Variants in IRF3 observed in about 807,000 individuals in gnomAD.
The protein encoded by IRF3 is interferon regulatory factor 3.
Under a neutral mutation model 43.2 loss-of-function variants are expected in IRF3, and 29 were observed. The ratio of observed to expected loss-of-function variants is 0.67; its 90% CI spans 0.50 to 0.91. The LOEUF (loss-of-function observed/expected upper bound fraction) is 0.91. Ranked by LOEUF, IRF3 falls within the 40% of genes least tolerant of loss-of-function variation. The pLI is 0.00. For missense variants in IRF3, 505 were observed against 559.1 expected (o/e 0.90, Z 0.98); for synonymous variants, 228 against 233.9 (o/e 0.97, Z 0.23).
In IRF3 at chr19:49,665,673, CCT is replaced by C. The variant is rs1245121989; in HGVS notation, c.-53_-52del. The C allele has an allele frequency of 1.3e-5, 14 of 1,083,742 alleles. No homozygotes were observed. The highest frequency in any genetic ancestry group is 7.8e-5 in the Admixed American group (3 of 38,620). The allele number at this position is 1,083,742 out of a possible 1,614,324, so 67.1% of individuals were successfully genotyped here. A position where few individuals can be genotyped will look rare whatever the true frequency, so the allele number is the denominator to read the frequency against. Reference sequence around the variant, plus strand: ...GGCGTGCGGGCAGCTGGAACCCACCCCTGTCTTGGAGCTCCGGGTAGCTCTCA... The same window carrying C: ...GGCGTGCGGGCAGCTGGAACCCACCCGTCTTGGAGCTCCGGGTAGCTCTCA... On this transcript the variant is annotated 5_prime_UTR_variant, in exon 1 of 8. Transcript: ENST00000377139.
intron 1 of IRF3, 114 bp from the exon 2 acceptor site, chr19:49,664,960 T>C (rs2081594781): frequency 3.5e-6 from 4 of 1,141,550 alleles, no homozygotes; most frequent in Non-Finnish European, 4.8e-6. Context: ...CCTTCACCCA[T>C]ATTTTCGGGG....
At chr19:49,660,027 A>ACACACACACACACCCCCC (rs57168131) in intron 7 of IRF3, among the ~76,000 whole-genome samples, 194 bp from the exon 8 acceptor site, 1 of 74,750 alleles carries the variant, frequency 1.3e-5, no homozygotes, top group African/African-American at 9.8e-5. Flanking sequence ...ACACACACAC[A>ACACACACACACACCCCCC]CCCCCTGCTG....
Position 49,664,752 on chromosome 19 carries a change from C to A in IRF3, c.87G>T (p.Lys29Asn). ...AAGGGATGCGGAAGCGCGTGCGGCT[C>A]TTGTTCACCCAGGCCACGCCCTCCA... ...GQLEGVAWVN[K>N]SRTRFRIPWK... Residue 29 changes from lysine to asparagine, a missense_variant, in exon 2 of 8, where the codon AAG becomes AAT. Transcript: ENST00000377139. 1 of 1,614,062 alleles carries A rather than the reference C, an allele frequency of 6.2e-7. No homozygotes were observed. The highest frequency in any genetic ancestry group is 8.5e-7 in the Non-Finnish European group (1 of 1,179,982).
chr19:49,660,570 C>T (rs938954710), intron 7 of IRF3, 143 bp downstream of exon 7: 13 of 815,364 alleles, frequency 1.6e-5, no homozygotes, highest in African/African-American at 3.6e-5. Flanking sequence ...AAGGAGCTCC[C>T]GGGGATGAAA....
chr19:49,664,572 C>T (rs1163229757), intron 2 of IRF3, 102 bp downstream of exon 2: 2 of 1,608,850 alleles, frequency 1.2e-6, no homozygotes, highest in Admixed American at 1.7e-5. Context: ...CACGAGCCCG[C>T]CCCTCGCGCG....
In IRF3 at chr19:49,665,693, A is replaced by C; in HGVS notation, c.-71T>G. On this transcript the variant is annotated 5_prime_UTR_variant, in exon 1 of 8. Transcript: ENST00000377139. ...CCACCCCTGTCTTGGAGCTCCGGGT[A>C]GCTCTCAAACTCGAGGCTGCGCACC... 6.5e-6 allele frequency: 8 copies of C among 1,237,930 alleles called. No individual in the cohort carries two copies. Among genetic ancestry groups the C allele is most frequent in the Non-Finnish European group, 8.9e-6 (8 of 901,116 alleles). 76.7% of individuals were successfully genotyped at this position (1,237,930 alleles called of 1,614,324 possible). A position where few individuals can be genotyped will look rare whatever the true frequency, so the allele number is the denominator to read the frequency against.
chr19:49,664,611 T>C, intron 2 of IRF3, 63 bp downstream of exon 2: 1 of 1,483,648 alleles, frequency 6.7e-7, no homozygotes, highest in Non-Finnish European at 9.1e-7. Flanking sequence ...CCGGGCCCAC[T>C]AGGAGTCCTT....
At chr19:49,660,241 G>C (rs886469975) in intron 7 of IRF3, among the ~76,000 whole-genome samples, 25 of 152,136 alleles carry the variant, frequency 1.6e-4, no homozygotes, top group Non-Finnish European at 2.9e-4. Context: ...CCTACGGCTT[G>C]TTAGGGACCA....
chr19:49,659,996 C>T (rs866446905), intron 7 of IRF3, among the ~76,000 whole-genome samples, 163 bp from the exon 8 acceptor site: 3 of 120,548 alleles, frequency 2.5e-5, no homozygotes, highest in African/African-American at 7.3e-5. Context: ...CACACACACA[C>T]ACACACACAC....
chr19:49,660,626 C>G (rs545259445), intron 7 of IRF3, 87 bp downstream of exon 7: 1 of 1,350,418 alleles, frequency 7.4e-7, no homozygotes, highest in Admixed American at 3.0e-5. Flanking sequence ...TTTTAGAGGG[C>G]CCTCTGGGAG....
In IRF3 at chr19:49,660,789, C is replaced by T. The variant is rs148237208; in HGVS notation, c.1022G>A (p.Arg341His). Residue 341 changes from arginine to histidine, a missense_variant, in exon 7 of 8, where the codon CGC (arginine) becomes CAC (histidine). Arg to His is a conservative substitution (Grantham distance 29). Transcript: ENST00000377139. ...CCCCACACAGAACCAGAGGGCATAG[C>T]GTGGTGAGCGTCCGCTTCCTTCCGT... ...TFTEGSGRSPRYALWFCVGES... is the reference protein window; with the variant it reads ...TFTEGSGRSPHYALWFCVGES... 80 of 1,609,422 alleles carry T rather than the reference C, an allele frequency of 5.0e-5. No homozygotes were observed. Among genetic ancestry groups the T allele is most frequent in the Non-Finnish European group, 1.7e-5 (20 of 1,178,282 alleles).
At chr19:49,664,150 AC>A in intron 2 of IRF3, among the ~76,000 whole-genome samples, 1 of 152,216 alleles carries the variant, frequency 6.6e-6, no homozygotes, top group Admixed American at 6.5e-5. Flanking sequence ...ACAGGTGTGA[AC>A]CACCGCCCCC....
rs2081190178 is a variant in IRF3 at position 49,659,650 on chromosome 19, A to G, written c.1282T>C (p.Ter428ArgextTer?). Reference sequence around the variant, plus strand: ...GGCACACCATGAGGAGCGAGGGCTCAGCTCTCCCCAGGGCCCTGGAAATCC... The same window carrying G: ...GGCACACCATGAGGAGCGAGGGCTCGGCTCTCCCCAGGGCCCTGGAAATCC... ...GMDFQGPGES* is the reference protein window; with the variant it reads ...GMDFQGPGESR Residue 428 changes from the stop codon to arginine (R), a stop_lost, in exon 8 of 8, where the codon TGA becomes CGA. Transcript: ENST00000377139. The G allele has an allele frequency of 1.2e-6, 2 of 1,612,572 alleles. No individual in the cohort carries two copies. Among genetic ancestry groups the G allele is most frequent in the Middle Eastern group, 1.6e-4 (1 of 6,076 alleles).
chr19:49,662,222 C>T lies in IRF3; in HGVS notation c.708G>A (p.Arg236=), dbSNP rs375866058. The T allele has an allele frequency of 6.2e-7, 1 of 1,614,052 alleles. No individual in the cohort carries two copies. ...GTGTGACTGGCCATCCAGGCAGCGT[C>T]CTGTCTCCCACTTCGGACCCCACCA... ...LRLVGSEVGD[R]TLPGWPVTLP... Residue 236 remains arginine (R), a synonymous_variant, in exon 6 of 8, where the codon AGG becomes AGA. Transcript: ENST00000377139.
chr19:49,664,506 T>G, intron 2 of IRF3, 168 bp downstream of exon 2: 4 of 1,568,806 alleles, frequency 2.5e-6, no homozygotes, highest in Non-Finnish European at 3.4e-6. Flanking sequence ...CCACCATCAG[T>G]CAGCGGATCC....
intron 7 of IRF3, 88 bp from the exon 8 acceptor site, chr19:49,659,921 C>T (rs1320203687): frequency 2.9e-6 from 4 of 1,387,426 alleles, no homozygotes; most frequent in East Asian, 4.8e-5. Flanking sequence ...ACTACAACTC[C>T]CTGCAGCCCC....
In IRF3 at chr19:49,662,504, G is replaced by T; in HGVS notation, c.522C>A (p.Pro174=). 6.4e-7 allele frequency: 1 copy of T among 1,565,470 alleles called. No individual in the cohort carries two copies. The highest frequency in any genetic ancestry group is 8.6e-7 in the Non-Finnish European group (1 of 1,158,400). ...PEPCPQPLRS[P]SLDNPTPFPN... ...GGAAGGGAGTGGGATTGTCCAAGCT[G>T]GGGCTCCGCAGGGGCTGAGGGCAGG... The change falls in exon 5 of 8, where the codon CCC becomes CCA. Residue 174 remains proline (P), a synonymous_variant. Transcript: ENST00000377139.
intron 7 of IRF3, 76 bp downstream of exon 7, chr19:49,660,637 T>C: frequency 7.1e-7 from 1 of 1,405,200 alleles, no homozygotes; most frequent in Non-Finnish European, 9.4e-7. Flanking sequence ...CCTCTGGGAG[T>C]TGGAGTTCCT....
Position 49,660,713 on chromosome 19 carries a change from C to G in IRF3, c.1098G>C (p.Lys366Asn). The G allele has an allele frequency of 6.3e-7, 1 of 1,593,676 alleles. No individual in the cohort carries two copies. The highest frequency in any genetic ancestry group is 8.5e-7 in the Non-Finnish European group (1 of 1,170,566). ...CCCAGGGACTCAGGTCTGCAGGCAC[C>G]TTGACCATCACGAGCCTCTTGGTCC... ...QPWTKRLVMV[K>N]VVPTCLRALV... The change falls in exon 7 of 8, where the codon AAG becomes AAC. Residue 366 changes from lysine (K) to asparagine (N), a missense_variant and splice_region_variant. Lys to Asn is a moderately conservative substitution (Grantham distance 94, BLOSUM62 0). Transcript: ENST00000377139.
Sources: allele counts gnomAD v4.1 joint callset (sites outside exome capture counted in the v4.1 genomes callset), GRCh38; gene constraint gnomAD v4.1.1; transcripts MANE v1.5; gene names NCBI Gene and HGNC (gene_info 2026-07-23, HGNC 2026-07-21).